MACROH2A2: variants seen among roughly 807,000 people sequenced by gnomAD.
The protein encoded by MACROH2A2 is core histone macro-H2A.2.
Under a neutral mutation model 37.6 loss-of-function variants are expected in MACROH2A2, and 6 were observed. The observed-to-expected ratio is 0.16, with a 90% CI of 0.09 to 0.32. MACROH2A2 has a LOEUF of 0.32. Ranked by LOEUF, MACROH2A2 falls within the 10% of genes least tolerant of loss-of-function variation. MACROH2A2 has a pLI of 1.00. For missense variants in MACROH2A2, 290 were observed against 485.9 expected (o/e 0.60, Z 3.79); for synonymous variants, 192 against 202.7 (o/e 0.95, Z 0.45).
chr10:70,111,676 C>G lies in MACROH2A2; in HGVS notation c.1112C>G (p.Ala371Gly). The G allele has an allele frequency of 6.2e-7, 1 of 1,605,490 alleles. No individual in the cohort carries two copies. The highest frequency in any genetic ancestry group is 8.5e-7 in the Non-Finnish European group (1 of 1,175,212). ...IYVQEMAKLD[A>G]K Reference sequence around the variant, plus strand: ...GTGCAGGAGATGGCCAAGCTCGACGCCAAGTAGCCGCCGCACTTTCCAGCA... The same window carrying G: ...GTGCAGGAGATGGCCAAGCTCGACGGCAAGTAGCCGCCGCACTTTCCAGCA... The change falls in exon 9 of 9, where the codon GCC becomes GGC. Residue 371 changes from alanine to glycine, a missense_variant. Around this residue, in one of 3 missense-constraint regions of MACROH2A2, gnomAD observed 130 missense variants for 257.1 expected, o/e 0.51. Transcript: ENST00000373255.
At chr10:70,073,277 C>T (rs1330160500) in intron 1 of MACROH2A2, among the ~76,000 whole-genome samples, 1 of 152,180 alleles carries the variant, frequency 6.6e-6, no homozygotes, top group Admixed American at 6.5e-5. Context: ...ATACATTTAC[C>T]TAACACATAG....
intron 2 of MACROH2A2, among the ~76,000 whole-genome samples, chr10:70,076,331 G>A (rs942973874): frequency 1.3e-5 from 2 of 152,180 alleles, no homozygotes; most frequent in Non-Finnish European, 2.9e-5. Context: ...GCATGAAGCC[G>A]ATGTAATGTT....
intron 1 of MACROH2A2, among the ~76,000 whole-genome samples, chr10:70,065,608 A>C (rs1589831084): frequency 6.6e-6 from 1 of 152,232 alleles, no homozygotes; most frequent in East Asian, 1.9e-4. Flanking sequence ...GAATAACCTG[A>C]GAACAAAAAG....
intron 1 of MACROH2A2, among the ~76,000 whole-genome samples, chr10:70,054,640 T>C (rs541096574): frequency 2.0e-4 from 30 of 152,366 alleles, no homozygotes; most frequent in African/African-American, 6.3e-4. Flanking sequence ...AACCACAAAC[T>C]AAGCTACACA....
At chr10:70,078,505 C>G (rs550140312) in intron 2 of MACROH2A2, among the ~76,000 whole-genome samples, 5 of 152,320 alleles carry the variant, frequency 3.3e-5, no homozygotes, top group African/African-American at 1.2e-4. Context: ...GCTCAGATGT[C>G]GGTTCCAATC....
At chr10:70,095,266 G>A (rs1277712685) in intron 5 of MACROH2A2, among the ~76,000 whole-genome samples, 1 of 151,948 alleles carries the variant, frequency 6.6e-6, no homozygotes, top group Non-Finnish European at 1.5e-5. Flanking sequence ...TACTCAGGAG[G>A]CTGAGGCAGG....
At chr10:70,074,809 C>T (rs1221976754) in intron 1 of MACROH2A2, among the ~76,000 whole-genome samples, 2 of 152,168 alleles carry the variant, frequency 1.3e-5, no homozygotes, top group African/African-American at 2.4e-5. Context: ...ACTGTGAGTG[C>T]ATTAAACCTC....
chr10:70,078,927 C>T (rs983886873), intron 2 of MACROH2A2, among the ~76,000 whole-genome samples: 1 of 152,158 alleles, frequency 6.6e-6, no homozygotes, highest in Non-Finnish European at 1.5e-5. Context: ...GTGGAAGCCT[C>T]CTGTCACCCT....
chr10:70,071,974 G>A (rs1781898571), intron 1 of MACROH2A2, among the ~76,000 whole-genome samples: 1 of 152,102 alleles, frequency 6.6e-6, no homozygotes, highest in Non-Finnish European at 1.5e-5. Flanking sequence ...ACATTTAAAA[G>A]AGAATATTTT....
chr10:70,062,940 C>T (rs1332892773), intron 1 of MACROH2A2, among the ~76,000 whole-genome samples: 1 of 152,104 alleles, frequency 6.6e-6, no homozygotes, highest in African/African-American at 2.4e-5. Context: ...ACCAAAATCT[C>T]ACAAATCACC....
At chr10:70,100,944 C>G (rs1399168372) in intron 7 of MACROH2A2, among the ~76,000 whole-genome samples, 1 of 152,152 alleles carries the variant, frequency 6.6e-6, no homozygotes, top group Non-Finnish European at 1.5e-5. Flanking sequence ...GCGTATAATT[C>G]AGTGGCATTA....
chr10:70,075,536 A>G lies in MACROH2A2; in HGVS notation c.-59-64A>G. 7.6e-6 allele frequency: 7 copies of G among 924,214 alleles called. No homozygotes were observed. Among genetic ancestry groups the G allele is most frequent in the Non-Finnish European group, 1.2e-5 (7 of 587,076 alleles). The allele number at this position is 924,214 out of a possible 1,614,324, so 57.3% of individuals were successfully genotyped here. On this transcript the variant is annotated intron_variant, in intron 1 of 8. Transcript: ENST00000373255. This position sits in a 1 kb window ranked among gnomAD's most constrained non-coding sequence, Gnocchi z 5.0. ...GGTGTCACAGTGGTGCCCAAGGGCC[A>G]TGCCACTGTGCCCAAGATGTTTGCC...
chr10:70,070,457 A>G (rs2072102509), intron 1 of MACROH2A2, among the ~76,000 whole-genome samples: 1 of 151,968 alleles, frequency 6.6e-6, no homozygotes, highest in Non-Finnish European at 1.5e-5. Context: ...GATTTTCCTT[A>G]CTTGGCTATT....
At chr10:70,084,850 C>T (rs950176736) in intron 2 of MACROH2A2, among the ~76,000 whole-genome samples, 4 of 151,792 alleles carry the variant, frequency 2.6e-5, no homozygotes, top group African/African-American at 9.7e-5. Context: ...GCTCTGCCTG[C>T]CTCTGCCTCT....
intron 5 of MACROH2A2, 151 bp downstream of exon 5, chr10:70,093,996 G>A (rs2072260995): frequency 1.1e-5 from 6 of 565,026 alleles, no homozygotes; most frequent in Non-Finnish European, 1.9e-5. Context: ...AGCTGTGGCA[G>A]TGTCAGCATT....
chr10:70,080,885 C>CAAAAAAAAAA (rs149608498), intron 2 of MACROH2A2, among the ~76,000 whole-genome samples: 4 of 31,986 alleles, frequency 1.3e-4, no homozygotes, highest in Non-Finnish European at 1.5e-4. Flanking sequence ...AACTCCATCT[C>CAAAAAAAAAA]AAAAAAAAAA....
chr10:70,091,521 C>G (rs1564545618), intron 3 of MACROH2A2, among the ~76,000 whole-genome samples: 1 of 151,964 alleles, frequency 6.6e-6, no homozygotes, highest in Non-Finnish European at 1.5e-5. Context: ...ACTAAAAATA[C>G]AAAAATTAGC....
At chr10:70,097,245 A>C (rs1483171888) in intron 6 of MACROH2A2, among the ~76,000 whole-genome samples, 1 of 152,026 alleles carries the variant, frequency 6.6e-6, no homozygotes, top group African/African-American at 2.4e-5. Flanking sequence ...AGCTTTTCTG[A>C]ATTGCTTCCT....
At chr10:70,082,441 A>G (rs1188371284) in intron 2 of MACROH2A2, among the ~76,000 whole-genome samples, 5 of 151,886 alleles carry the variant, frequency 3.3e-5, no homozygotes, top group Non-Finnish European at 5.9e-5. Context: ...GAAAAAAGAA[A>G]AGAAAGAAAG....
Sources: allele counts gnomAD v4.1 joint callset (sites outside exome capture counted in the v4.1 genomes callset), GRCh38; gene constraint gnomAD v4.1.1; regional missense constraint gnomAD v4.1.1; non-coding constraint Gnocchi (gnomAD v3.1); transcripts MANE v1.5; gene names NCBI Gene and HGNC (gene_info 2026-07-23, HGNC 2026-07-21).